The following TRMT11 variants were observed in gnomAD, a reference collection of about 807,000 sequenced individuals.
TRMT11 encodes the protein tRNA (guanine(10)-N(2))-methyltransferase TRMT11.
TRMT11 carries 53 observed loss-of-function variants against 62.8 expected under a neutral mutation model. The observed-to-expected ratio is 0.84, with a 90% CI of 0.68 to 1.06. The LOEUF is 1.06. TRMT11 is among the 50% of genes least tolerant of loss of function. The probability of loss-of-function intolerance (pLI) is 0.00; values close to 1 mark genes in which losing one functional copy is unlikely to be tolerated. For missense variants in TRMT11, 556 were observed against 553.4 expected, an observed-to-expected ratio of 1.00 and a Z score of -0.05; for synonymous variants, 188 against 190.3, an observed-to-expected ratio of 0.99 and a Z score of 0.10.
At chr6:126,070,067 C>T (rs1776808579) in intron 17 of TRMT11, among the ~76,000 whole-genome samples, 1 of 152,124 alleles carries the variant, frequency 6.6e-6, no homozygotes, top group Non-Finnish European at 1.5e-5. Flanking sequence ...ACAAATGACA[C>T]ATTAAATAGT....
At chr6:125,996,393 T>A (rs1028830456) in intron 3 of TRMT11, among the ~76,000 whole-genome samples, 12 of 152,252 alleles carry the variant, frequency 7.9e-5, no homozygotes, top group African/African-American at 2.9e-4. Context: ...AGATGGTTTT[T>A]AATTGGATGA....
intron 17 of TRMT11, among the ~76,000 whole-genome samples, chr6:126,108,683 C>T (rs1777492448): frequency 6.6e-6 from 1 of 152,142 alleles, no homozygotes; most frequent in Non-Finnish European, 1.5e-5. Flanking sequence ...CTCTAGAAAA[C>T]ATGAGCATAA....
At chr6:126,197,089 A>G (rs1231692710) in intron 1 of TRMT11, among the ~76,000 whole-genome samples, 4 of 152,140 alleles carry the variant, frequency 2.6e-5, no homozygotes, top group African/African-American at 9.7e-5. Context: ...TCTGTTGTCT[A>G]TTTATTCTTA....
intron 12 of TRMT11, among the ~76,000 whole-genome samples, chr6:126,026,862 G>A (rs1161772168): frequency 6.7e-6 from 1 of 148,532 alleles, no homozygotes; most frequent in Non-Finnish European, 1.5e-5. Flanking sequence ...GAGTGCAGTG[G>A]CGGGATCTCA....
intron 12 of TRMT11, among the ~76,000 whole-genome samples, chr6:126,035,324 T>G (rs536879780): frequency 6.6e-6 from 1 of 152,276 alleles, no homozygotes; most frequent in South Asian, 2.1e-4. Context: ...GCAGGACTTG[T>G]GCTGCTAGAT....
the TRMT11 span, among the ~76,000 whole-genome samples, chr6:126,271,753 A>G: frequency 1.3e-5 from 2 of 152,188 alleles, no homozygotes; most frequent in Non-Finnish European, 2.9e-5. Context: ...AATTATGACT[A>G]TAGGAAGGTC....
At chr6:126,096,426 C>A (rs1405792522) in intron 17 of TRMT11, among the ~76,000 whole-genome samples, 1 of 152,154 alleles carries the variant, frequency 6.6e-6, no homozygotes, top group African/African-American at 2.4e-5. Flanking sequence ...CTTCTGTAAC[C>A]AGCTTGTCTC....
chr6:126,037,956 A>G (rs1775489441), intron 12 of TRMT11, among the ~76,000 whole-genome samples: 1 of 152,120 alleles, frequency 6.6e-6, no homozygotes, highest in Non-Finnish European at 1.5e-5. Context: ...ATAGAAGCAC[A>G]TGGGAAATGA....
At chr6:126,218,679 T>G in the TRMT11 span, among the ~76,000 whole-genome samples, 1 of 152,208 alleles carries the variant, frequency 6.6e-6, no homozygotes, top group Non-Finnish European at 1.5e-5. Context: ...CCAGCTGCGC[T>G]CCCTGGGGTT....
At chr6:126,169,699 T>G (rs1459937874) in intron 21 of TRMT11, among the ~76,000 whole-genome samples, 1 of 152,174 alleles carries the variant, frequency 6.6e-6, no homozygotes, top group Non-Finnish European at 1.5e-5. Flanking sequence ...CTTAAACCTG[T>G]TTTCTTTTCA....
intron 3 of TRMT11, among the ~76,000 whole-genome samples, chr6:126,200,699 C>T (rs962556407): frequency 2.6e-5 from 4 of 152,120 alleles, no homozygotes; most frequent in Non-Finnish European, 4.4e-5. Context: ...GGACTACAGG[C>T]GCCTACCACC....
intron 12 of TRMT11, among the ~76,000 whole-genome samples, chr6:126,037,155 C>T (rs1246483108): frequency 1.3e-5 from 2 of 151,974 alleles, no homozygotes; most frequent in African/African-American, 4.8e-5. Flanking sequence ...GAGAAAACCT[C>T]ATTACATTGT....
the TRMT11 span, among the ~76,000 whole-genome samples, chr6:126,252,696 T>C: frequency 6.6e-6 from 1 of 152,172 alleles, no homozygotes; most frequent in East Asian, 1.9e-4. Context: ...TTCAGGCATC[T>C]GCAAGCAGGT....
intron 12 of TRMT11, among the ~76,000 whole-genome samples, chr6:126,026,676 C>T (rs147128712): frequency 0.014 from 2,162 of 152,118 alleles, 30 homozygotes; most frequent in Non-Finnish European, 0.021. Context: ...CGAGCCATCG[C>T]GCCCGGCTCT....
the TRMT11 span, among the ~76,000 whole-genome samples, chr6:126,212,640 A>G: frequency 6.6e-6 from 1 of 151,988 alleles, no homozygotes; most frequent in African/African-American, 2.4e-5. Context: ...GTTTTTTCCT[A>G]TAGAGTTGTT....
Position 125,998,645 on chromosome 6 carries a change from C to A in TRMT11, c.483C>A (p.Cys161Ter), listed in dbSNP as rs1320157820. The A allele has an allele frequency of 6.2e-7, 1 of 1,613,296 alleles. No individual in the cohort carries two copies. The highest frequency in any genetic ancestry group is 1.7e-5 in the Admixed American group (1 of 59,946). ...VLEDYGLDPNCIPENPHNIYF... is the reference protein window; with the variant it reads ...VLEDYGLDPN ...AGGATTATGGTTTAGACCCAAACTG[C>A]ATCCCTGAGAATCCACATAATATTT... The change falls in exon 6 of 13, where the codon TGC (cysteine) becomes TGA (stop). Residue 161 changes from cysteine to a stop codon, truncating the protein, a stop_gained. Transcript: ENST00000334379. LOFTEE classifies it high-confidence loss of function.
chr6:126,011,967 T>C (rs1424990283), intron 9 of TRMT11, among the ~76,000 whole-genome samples: 1 of 152,188 alleles, frequency 6.6e-6, no homozygotes, highest in Non-Finnish European at 1.5e-5. Flanking sequence ...AAAATTTATT[T>C]TCCCATGCCT....
At chr6:126,041,697 G>T (rs1775884244), downstream of TRMT11, among the ~76,000 whole-genome samples, 1 of 152,100 alleles carries the variant, frequency 6.6e-6, no homozygotes, top group African/African-American at 2.4e-5. Flanking sequence ...TGTAGATAAA[G>T]CAAGGCATAA....
chr6:126,235,675 G>A, the TRMT11 span, among the ~76,000 whole-genome samples: 1 of 152,146 alleles, frequency 6.6e-6, no homozygotes, highest in Non-Finnish European at 1.5e-5. Context: ...ACATGAAGGG[G>A]AACAACACAC....
Sources: gnomAD v4.1 joint callset for allele counts (sites outside exome capture counted in the v4.1 genomes callset) on GRCh38, gnomAD v4.1.1 for gene constraint, MANE v1.5 for transcripts, NCBI Gene and HGNC (gene_info 2026-07-23, HGNC 2026-07-21) for gene names.